The following GUCY1A1 variants were observed in gnomAD, a reference collection of about 807,000 sequenced individuals.
GUCY1A1 encodes guanylate cyclase 1 soluble subunit alpha 1.
A neutral mutation model predicts 64.5 loss-of-function variants in GUCY1A1; 48 were observed. The observed-to-expected ratio is 0.74, with a 90% confidence interval of 0.59 to 0.95. The LOEUF is 0.95. Ranked by LOEUF, GUCY1A1 falls within the 40% of genes least tolerant of loss-of-function variation. The pLI, the probability that GUCY1A1 is intolerant of heterozygous loss-of-function variation, is 0.00. For synonymous variants in GUCY1A1, 308 were observed against 303.4 expected (o/e 1.02, Z -0.16); for missense variants, 804 against 825.3 (o/e 0.97, Z 0.32).
At chr4:155,703,759 A>G (rs998401193) in intron 3 of GUCY1A1, among the ~76,000 whole-genome samples, 173 bp from the exon 4 acceptor site, 1 of 152,232 alleles carries the variant, frequency 6.6e-6, no homozygotes, top group Non-Finnish European at 1.5e-5. Flanking sequence ...TGAAAAACAC[A>G]TAGAAAATCA....
rs757648039 is a variant in GUCY1A1, at chr4:155,710,594, A to G, written c.429A>G (p.Ile143Met). 1.9e-6 allele frequency: 3 copies of G among 1,612,694 alleles called. No individual in the cohort carries two copies. Among genetic ancestry groups the G allele is most frequent in the Admixed American group, 3.3e-5 (2 of 59,792 alleles). The change falls in exon 6 of 10, where the codon ATA (isoleucine) becomes ATG (methionine). Residue 143 changes from isoleucine to methionine, a missense_variant. Physicochemically the swap from Ile to Met is conservative, Grantham distance 10. Coordinates refer to ENST00000506455, the MANE Select transcript of GUCY1A1 (RefSeq NM_001130682.3). ...KESLGEEVFK[I>M]CYEEDENILG... ...CTCTTGGTGAAGAGGTTTTTAAAAT[A>G]TGTTACGAGGAAGATGAAAACATCC...
In GUCY1A1 at chr4:155,703,124, C is replaced by A. The variant is rs544324810; in HGVS notation, c.256-808C>A. Among the ~76,000 whole-genome samples, 61 of 152,088 alleles carry A rather than the reference C, an allele frequency of 4.0e-4. No individual in the cohort carries two copies. In the Middle Eastern group the frequency reaches 0.01, roughly 25 times the overall value. ...CCACTTATTTATTAGAGACAATCAG[C>A]TGTTAAGATAAATTAATAGCTACTC... On this transcript the variant is annotated intron_variant, in intron 3 of 9. Coordinates refer to ENST00000506455, the MANE Select transcript of GUCY1A1 (RefSeq NM_001130682.3).
chr4:155,693,568 T>A (rs1416182190), intron 2 of GUCY1A1, among the ~76,000 whole-genome samples: 1 of 152,122 alleles, frequency 6.6e-6, no homozygotes, highest in Admixed American at 6.5e-5. Context: ...TTCCAAGGTA[T>A]CAACACTGCG....
At chr4:155,719,794 CT>C (rs1490601681) in intron 8 of GUCY1A1, among the ~76,000 whole-genome samples, 1 of 152,100 alleles carries the variant, frequency 6.6e-6, no homozygotes, top group East Asian at 1.9e-4. Flanking sequence ...TCTAGTACCC[CT>C]CCTTTCCTAA....
At position 155,733,083 on chromosome 4, in the gene GUCY1A1, A is replaced by T. The variant is rs900131207; in HGVS notation, c.*2852A>T. ...TTTAAGAAAACCTAAATAAGAATAG[A>T]TTCATTTACTCATTTTCATTTATTC... is the stretch of plus-strand genomic sequence containing the variant. On this transcript the variant is annotated 3_prime_UTR_variant, in exon 10 of 10. Coordinates refer to ENST00000506455, the MANE Select transcript of GUCY1A1 (RefSeq NM_001130682.3). Among the ~76,000 whole-genome samples the T allele has an allele frequency of 2.0e-5, 3 of 151,928 alleles. No homozygotes were observed. Among genetic ancestry groups the T allele is most frequent in the African/African-American group, 7.2e-5 (3 of 41,404 alleles).
At chr4:155,713,936 G>A (rs911233575) in intron 7 of GUCY1A1, among the ~76,000 whole-genome samples, 2 of 152,174 alleles carry the variant, frequency 1.3e-5, no homozygotes, top group Admixed American at 6.5e-5. Context: ...TGTGGAAACC[G>A]AGTTGAATTA....
intron 9 of GUCY1A1, among the ~76,000 whole-genome samples, chr4:155,725,092 T>G (rs1171080384): frequency 6.6e-6 from 1 of 152,116 alleles, no homozygotes; most frequent in Non-Finnish European, 1.5e-5. Context: ...ATTATCCTAT[T>G]TCATCTTCTC....
intron 3 of GUCY1A1, 24 bp from the exon 4 acceptor site, chr4:155,703,907 TA>T: frequency 6.7e-7 from 1 of 1,483,386 alleles, no homozygotes; most frequent in Non-Finnish European, 9.3e-7. Context: ...AGGGAATGTT[TA>T]AAACATTTCT....
intron 2 of GUCY1A1, among the ~76,000 whole-genome samples, chr4:155,680,965 A>ACG (rs199572512): frequency 6.7e-6 from 1 of 150,312 alleles, no homozygotes; most frequent in Admixed American, 6.6e-5. Context: ...ACACACACAC[A>ACG]TGCACACACA....
At chr4:155,677,807 G>C (rs933222372) in intron 2 of GUCY1A1, among the ~76,000 whole-genome samples, 4 of 151,894 alleles carry the variant, frequency 2.6e-5, no homozygotes, top group African/African-American at 9.7e-5. Flanking sequence ...AGCCAAGTTC[G>C]TGCCACTGTA....
In GUCY1A1 at chr4:155,717,158, G is replaced by A; in HGVS notation, c.1573-1G>A. On this transcript the variant is annotated splice_acceptor_variant, in intron 7 of 9. Coordinates refer to ENST00000506455, the MANE Select transcript of GUCY1A1 (RefSeq NM_001130682.3). LOFTEE classifies it high-confidence loss of function. Reference sequence around the variant, plus strand: ...TAGTATGGAAAATATATTATGTCTAGGTGGAGACCATTGGCGATGCCTATT... The same window carrying A: ...TAGTATGGAAAATATATTATGTCTAAGTGGAGACCATTGGCGATGCCTATT... 1 of 1,469,498 alleles carries A rather than the reference G, an allele frequency of 6.8e-7. No homozygotes were observed. Among genetic ancestry groups the A allele is most frequent in the African/African-American group, 1.4e-5 (1 of 70,534 alleles). The allele number at this position is 1,469,498 out of a possible 1,614,324, so 91.0% of individuals were successfully genotyped here. A position where few individuals can be genotyped will look rare whatever the true frequency, so the allele number is the denominator to read the frequency against.
chr4:155,668,842 G>A lies in GUCY1A1; in HGVS notation c.-113+1423G>A, dbSNP rs554456368. 7.9e-5 allele frequency among the ~76,000 whole-genome samples: 12 copies of A among 151,902 alleles called. No individual in the cohort carries two copies. In the East Asian group the frequency reaches 2.3e-3, roughly 29 times the overall value. On this transcript the variant is annotated intron_variant, in intron 2 of 9. Transcript: ENST00000506455. ...TATTGCTTCAGTGGAAGTTGTCTAT[G>A]CATTCTGTGCTTTGTTCAGCCATTA...
At chr4:155,709,701 G>A (rs772042289) in intron 5 of GUCY1A1, among the ~76,000 whole-genome samples, 5 of 152,042 alleles carry the variant, frequency 3.3e-5, no homozygotes, top group Non-Finnish European at 5.9e-5. Flanking sequence ...AGGCATGCTC[G>A]TGTGCACCTG....
At chr4:155,706,357 A>T (rs1205792364) in intron 4 of GUCY1A1, among the ~76,000 whole-genome samples, 1 of 152,024 alleles carries the variant, frequency 6.6e-6, no homozygotes, top group African/African-American at 2.4e-5. Context: ...TCACTTTCTT[A>T]TTGGTAAGTC....
chr4:155,725,935 C>A (rs2126983130), intron 9 of GUCY1A1, among the ~76,000 whole-genome samples: 1 of 151,942 alleles, frequency 6.6e-6, no homozygotes, highest in African/African-American at 2.4e-5. Flanking sequence ...AGAAAATTTA[C>A]AAAATTAGTA....
At chr4:155,694,920 G>T (rs181321784) in intron 2 of GUCY1A1, among the ~76,000 whole-genome samples, 2 of 152,282 alleles carry the variant, frequency 1.3e-5, no homozygotes, top group East Asian at 1.9e-4. Context: ...AGATATTTAG[G>T]TTTTGTAGAA....
intron 2 of GUCY1A1, among the ~76,000 whole-genome samples, chr4:155,669,071 A>G (rs1733765891): frequency 6.6e-6 from 1 of 152,194 alleles, no homozygotes; most frequent in Non-Finnish European, 1.5e-5. Flanking sequence ...GTCTACATAC[A>G]GCCTGCAGAC....
intron 7 of GUCY1A1, among the ~76,000 whole-genome samples, chr4:155,714,389 A>T (rs1400603780): frequency 2.0e-5 from 3 of 152,246 alleles, no homozygotes; most frequent in Non-Finnish European, 4.4e-5. Context: ...TGAGCCAGGC[A>T]TCATTGTAGG....
At chr4:155,678,481 T>TA (rs2126576833) in intron 2 of GUCY1A1, among the ~76,000 whole-genome samples, 1 of 152,346 alleles carries the variant, frequency 6.6e-6, no homozygotes, top group African/African-American at 2.4e-5. Flanking sequence ...CAAGCATTAA[T>TA]ACAACTGCAT....
Sources: gnomAD v4.1 joint callset for allele counts (sites outside exome capture counted in the v4.1 genomes callset) on GRCh38, gnomAD v4.1.1 for gene constraint, MANE v1.5 for transcripts, NCBI Gene and HGNC (gene_info 2026-07-23, HGNC 2026-07-21) for gene names.